The following TBC1D30 variants were observed in gnomAD, a reference collection of about 807,000 sequenced individuals.
TBC1D30 encodes TBC1 domain family member 30.
In TBC1D30, 31 loss-of-function variants were observed where a neutral mutation model predicts 63.2. That is an observed-to-expected ratio of 0.49 (90% CI 0.37 to 0.66). The LOEUF (loss-of-function observed/expected upper bound fraction) is 0.66. TBC1D30 is among the 30% of genes least tolerant of loss of function. The pLI, the probability that TBC1D30 is intolerant of heterozygous loss-of-function variation, is 0.00. For missense variants in TBC1D30, 810 were observed against 953.6 expected, an observed-to-expected ratio of 0.85 and a Z score of 1.98; for synonymous variants, 307 against 361.5, an observed-to-expected ratio of 0.85 and a Z score of 1.71.
Position 64,875,532 on chromosome 12 carries a change from C to A in TBC1D30, c.2030C>A (p.Pro677His). Residue 677 changes from proline (P) to histidine (H), a missense_variant, in exon 12 of 12, where the codon CCC becomes CAC. Pro to His is a moderately conservative substitution (Grantham distance 77). Transcript: ENST00000539867. ...GAAACTGAGCTCAGGGTGCACCCAC[C>A]CTGCCAGCGGCACTGCCCAGAGCCG... ...AAETELRVHPPCQRHCPEPPS... is the reference protein window; with the variant it reads ...AAETELRVHPHCQRHCPEPPS... 7 of 1,536,130 alleles carry A rather than the reference C, an allele frequency of 4.6e-6. No homozygotes were observed. The highest frequency in any genetic ancestry group is 6.1e-6 in the Non-Finnish European group (7 of 1,146,910).
intron 7 of TBC1D30, among the ~76,000 whole-genome samples, 190 bp downstream of exon 7, chr12:64,839,041 G>A (rs929260841): frequency 6.6e-6 from 1 of 152,200 alleles, no homozygotes; most frequent in Non-Finnish European, 1.5e-5. Flanking sequence ...GGGGGCAGAT[G>A]CCTTTAGGCC....
intron 2 of TBC1D30, among the ~76,000 whole-genome samples, chr12:64,805,670 T>C (rs896206207): frequency 2.5e-4 from 38 of 151,908 alleles, no homozygotes; most frequent in African/African-American, 9.2e-4. Flanking sequence ...CTGTCTCTAC[T>C]AAAAATACAA....
At chr12:64,759,654 G>A in intron 1 of TBC1D30, 1 of 232,880 alleles carries the variant, frequency 4.3e-6, no homozygotes, top group South Asian at 9.7e-5. Context: ...AGACCTGTAC[G>A]TACCTCTCGC....
At chr12:64,771,235 AC>A (rs1870894932) in intron 1 of TBC1D30, among the ~76,000 whole-genome samples, 1 of 151,690 alleles carries the variant, frequency 6.6e-6, no homozygotes, top group African/African-American at 2.4e-5. Flanking sequence ...TGTGGTGCAA[AC>A]CCCAATAGGA....
chr12:64,815,566 A>G lies in TBC1D30; in HGVS notation c.644-12269A>G, dbSNP rs562971592. ...TAGCAGCACCTCATTGCATTGGAAT[A>G]TAACAAATATATCCGTAGAGAAATC... is the stretch of plus-strand genomic sequence containing the variant. On this transcript the variant is annotated intron_variant, in intron 2 of 12. Coordinates refer to the TBC1D30 transcript ENST00000542120. Among the ~76,000 whole-genome samples the G allele has an allele frequency of 1.0e-3, 159 of 152,352 alleles. 1 individual carries two copies. Among genetic ancestry groups the G allele is most frequent in the African/African-American group, 3.7e-3 (152 of 41,584 alleles).
In TBC1D30 at chr12:64,824,700, C is replaced by A; in HGVS notation, c.-180C>A. On this transcript the variant is annotated 5_prime_UTR_variant, in exon 1 of 12. Transcript: ENST00000539867. ...CTGCTGGCTTCCCTGCGCTCGGCGG[C>A]TCCCGCGGTGCCCCGTAAGTCCCCG... 1 of 805,568 alleles carries A rather than the reference C, an allele frequency of 1.2e-6. No individual in the cohort carries two copies. Among genetic ancestry groups the A allele is most frequent in the Non-Finnish European group, 1.8e-6 (1 of 544,536 alleles). 49.9% of individuals were successfully genotyped at this position (805,568 alleles called of 1,614,324 possible).
rs1331551193 is a variant in TBC1D30 at position 64,802,735 on chromosome 12, G to T, written c.643+16690G>T. ...TTGTTCAGTTCCCACCTATGATTAA[G>T]AACATGTGGTGTTTGGTTTTCTGTC... On this transcript the variant is annotated intron_variant, in intron 2 of 12. Transcript: ENST00000542120. Among the ~76,000 whole-genome samples the T allele has an allele frequency of 3.9e-5, 6 of 152,036 alleles. No individual in the cohort carries two copies. In the East Asian group the frequency reaches 1.2e-3, roughly 29 times the overall value.
At chr12:64,828,547 A>G in intron 3 of TBC1D30, 38 bp downstream of exon 3, 1 of 1,367,352 alleles carries the variant, frequency 7.3e-7, no homozygotes, top group Non-Finnish European at 1.0e-6. Context: ...CAGAAGGATC[A>G]TCACTGCCCT....
At chr12:64,820,176 C>A (rs1025545400), upstream of TBC1D30, among the ~76,000 whole-genome samples, 4 of 152,134 alleles carry the variant, frequency 2.6e-5, no homozygotes, top group Admixed American at 2.6e-4. Context: ...AAAAAAATAG[C>A]AGCATTAGGA....
At chr12:64,860,141 C>T (rs1877660233) in intron 8 of TBC1D30, among the ~76,000 whole-genome samples, 1 of 151,974 alleles carries the variant, frequency 6.6e-6, no homozygotes, top group East Asian at 1.9e-4. Context: ...CCTCAGCCCC[C>T]CAAGTAACTG....
intron 8 of TBC1D30, among the ~76,000 whole-genome samples, chr12:64,863,021 C>T (rs1464454352): frequency 2.0e-5 from 3 of 152,058 alleles, no homozygotes; most frequent in Non-Finnish European, 2.9e-5. Flanking sequence ...TAAGAGCAAG[C>T]GGGGAAGAAT....
chr12:64,820,352 C>T (rs1297997849), upstream of TBC1D30, among the ~76,000 whole-genome samples: 2 of 152,190 alleles, frequency 1.3e-5, no homozygotes, highest in African/African-American at 2.4e-5. Flanking sequence ...CCTGAAGATG[C>T]AGGGTATGCC....
upstream of TBC1D30, among the ~76,000 whole-genome samples, chr12:64,777,880 C>G (rs904572773): frequency 6.6e-6 from 1 of 152,240 alleles, no homozygotes; most frequent in East Asian, 1.9e-4. Context: ...ATGCCTCATC[C>G]TTTCAAGTTG....
At chr12:64,791,678 ATTTGTGTGTGTGTGTGTG>A in intron 2 of TBC1D30, among the ~76,000 whole-genome samples, 1 of 146,042 alleles carries the variant, frequency 6.8e-6, no homozygotes, top group South Asian at 2.1e-4. Flanking sequence ...CACCTGGCTA[ATTTGTGTGTGTGTGTGTG>A]TTTGTGTGTG....
intron 7 of TBC1D30, among the ~76,000 whole-genome samples, chr12:64,840,509 A>C (rs898154220): frequency 1.3e-5 from 2 of 152,236 alleles, no homozygotes; most frequent in Non-Finnish European, 1.5e-5. Flanking sequence ...TAATAGCTGC[A>C]ACAAAAGCCA....
intron 1 of TBC1D30, among the ~76,000 whole-genome samples, chr12:64,765,675 A>G (rs1304672014): frequency 6.6e-6 from 1 of 151,590 alleles, no homozygotes. Context: ...AAAGGAAAAC[A>G]TGAGCCAACT....
At chr12:64,823,996 T>TCC (rs374784625), upstream of TBC1D30, among the ~76,000 whole-genome samples, 46 of 148,718 alleles carry the variant, frequency 3.1e-4, no homozygotes, top group African/African-American at 1.1e-3. Flanking sequence ...TATCTTTATA[T>TCC]CCCCCCCCCA....
rs187648009 is a variant in TBC1D30, at chr12:64,832,534, T to C, written c.594+230T>C. ...ATTTAGTCTCATTTATAAGACATCA[T>C]ATTTTTAAAGCAAGTTAAATATTAA... On this transcript the variant is annotated intron_variant, in intron 5 of 11. Coordinates refer to ENST00000539867, the MANE Select transcript of TBC1D30 (RefSeq NM_015279.2). Among the ~76,000 whole-genome samples the C allele has an allele frequency of 3.9e-5, 6 of 152,370 alleles. No homozygotes were observed. In the East Asian group the frequency reaches 5.8e-4, roughly 15 times the overall value.
chr12:64,857,750 G>A (rs1001970665), intron 8 of TBC1D30, among the ~76,000 whole-genome samples: 1 of 152,224 alleles, frequency 6.6e-6, no homozygotes, highest in Non-Finnish European at 1.5e-5. Flanking sequence ...GGCGAGGCTT[G>A]CTGAGGAACT....
Sources: gnomAD v4.1 joint callset for allele counts (sites outside exome capture counted in the v4.1 genomes callset) on GRCh38, gnomAD v4.1.1 for gene constraint, MANE v1.5 for transcripts, NCBI Gene and HGNC (gene_info 2026-07-23, HGNC 2026-07-21) for gene names.